Variants in SLC25A46 observed in about 807,000 individuals in gnomAD.
SLC25A46 encodes solute carrier family 25 member 46, also known as mitochondrial outer membrane protein SLC25A46.
SLC25A46 carries 39 observed loss-of-function variants against 44.6 expected under a neutral mutation model. The observed-to-expected ratio is 0.87, with a 90% confidence interval of 0.68 to 1.14. The LOEUF is 1.14. Among genes scored for constraint, SLC25A46 ranks in the 50% most tolerant of loss-of-function variants. The probability of loss-of-function intolerance (pLI) is 0.00; values close to 1 mark genes in which losing one functional copy is unlikely to be tolerated. For missense variants in SLC25A46, 547 were observed against 522.7 expected (o/e 1.05, Z -0.45); for synonymous variants, 202 against 185.8 (o/e 1.09, Z -0.71).
intron 5 of SLC25A46, chr5:110,753,594 C>T (rs751409458): frequency 1.6e-4 from 25 of 152,006 alleles, no homozygotes; most frequent in Non-Finnish European, 2.5e-4. Flanking sequence ...GGTTTAGTGA[C>T]TGAAGCTTTT....
rs1365116702 is a variant in SLC25A46 at position 110,764,768 on chromosome 5, A to G, written c.*2986A>G. The G allele has an allele frequency of 2.6e-5, 4 of 151,976 alleles. No individual in the cohort carries two copies. Among genetic ancestry groups the G allele is most frequent in the Non-Finnish European group, 5.9e-5 (4 of 67,926 alleles). 9.4% of individuals were successfully genotyped at this position (151,976 alleles called of 1,614,324 possible). On this transcript the variant is annotated 3_prime_UTR_variant, in exon 8 of 8. Transcript: ENST00000355943. ...TTGCAACAGAAAAGCATACTTTGTC[A>G]GCTTCTAATAAGATAGCCAGGTTTG...
rs956676307 is a variant in SLC25A46 at position 110,739,094 on chromosome 5, G to C, written c.-26G>C. On this transcript the variant is annotated 5_prime_UTR_variant, in exon 1 of 8. Transcript: ENST00000355943. Reference sequence around the variant, plus strand: ...CCCGGTGGTGGTGGGCTCCGGGCGGGCTCGCGTCATCCTGCCCCCGCTGCG... The same window carrying C: ...CCCGGTGGTGGTGGGCTCCGGGCGGCCTCGCGTCATCCTGCCCCCGCTGCG... The C allele has an allele frequency of 1.3e-6, 2 of 1,540,802 alleles. No individual in the cohort carries two copies. The highest frequency in any genetic ancestry group is 2.7e-5 in the African/African-American group (2 of 72,818).
At position 110,756,707 on chromosome 5, in the gene SLC25A46, CTT is replaced by C; in HGVS notation, c.627_628del (p.Tyr210ArgfsTer13). The C allele has an allele frequency of 6.4e-7, 1 of 1,573,442 alleles. No homozygotes were observed. The highest frequency in any genetic ancestry group is 8.6e-7 in the Non-Finnish European group (1 of 1,165,642). ...ATTTGTTTTAATTTCTATAGCCTAA[CTT>C]ACGTGGTGGCAATGCCTTTTTATTC... On this transcript the variant is annotated frameshift_variant, in exon 7 of 8. Coordinates refer to ENST00000355943, the MANE Select transcript of SLC25A46 (RefSeq NM_138773.4). LOFTEE classifies it high-confidence loss of function.
chr5:110,757,725 T>C (rs888753238), intron 7 of SLC25A46, among the ~76,000 whole-genome samples: 2 of 152,156 alleles, frequency 1.3e-5, no homozygotes, highest in African/African-American at 4.8e-5. Flanking sequence ...TGTATGGTGC[T>C]ATAGAATTTA....
intron 6 of SLC25A46, among the ~76,000 whole-genome samples, 196 bp downstream of exon 6, chr5:110,755,717 A>T (rs1200920149): frequency 1.3e-5 from 2 of 152,160 alleles, no homozygotes; most frequent in African/African-American, 4.8e-5. Flanking sequence ...CTTTAAAATA[A>T]ATTCCTAATT....
In SLC25A46 at chr5:110,739,163, G is replaced by A. The variant is rs372382932; in HGVS notation, c.44G>A (p.Arg15Gln). The A allele has an allele frequency of 4.0e-5, 62 of 1,550,010 alleles. No homozygotes were observed. Among genetic ancestry groups the A allele is most frequent in the Middle Eastern group, 1.8e-4 (1 of 5,662 alleles). ...GACGGATTTGATGGCTTGGGCTACC[G>A]GGGTGGTGCCCGGGACGAGCAGGGC... Reference protein sequence around the residue: ...RPDGFDGLGYRGGARDEQGFG... With the variant: ...RPDGFDGLGYQGGARDEQGFG... The change falls in exon 1 of 8, where the codon CGG becomes CAG. Residue 15 changes from arginine (R) to glutamine (Q), a missense_variant. Physicochemically the swap from Arg to Gln is conservative, Grantham distance 43. Transcript: ENST00000355943.
chr5:110,760,838 A>G (rs537936207), intron 7 of SLC25A46, among the ~76,000 whole-genome samples: 30 of 152,300 alleles, frequency 2.0e-4, no homozygotes, highest in South Asian at 1.0e-3. Flanking sequence ...TTACATAGCC[A>G]GTAAGTAATG....
At position 110,762,324 on chromosome 5, in the gene SLC25A46, G is replaced by T. The variant is rs1800275637; in HGVS notation, c.*542G>T. On this transcript the variant is annotated 3_prime_UTR_variant, in exon 8 of 8. Transcript: ENST00000355943. ...GAGTATAAATGTTTTAAATTGCATTGTCCCTATGTAACTATCTTAATGGCT... is the reference window on the plus strand; with the variant it reads ...GAGTATAAATGTTTTAAATTGCATTTTCCCTATGTAACTATCTTAATGGCT... 1 of 152,810 alleles carries T rather than the reference G, an allele frequency of 6.5e-6. No homozygotes were observed. The highest frequency in any genetic ancestry group is 2.1e-4 in the South Asian group (1 of 4,876). 9.5% of individuals were successfully genotyped at this position (152,810 alleles called of 1,614,324 possible). A position where few individuals can be genotyped will look rare whatever the true frequency, so the allele number is the denominator to read the frequency against.
chr5:110,738,984 T>G, upstream of SLC25A46: 1 of 1,457,822 alleles, frequency 6.9e-7, no homozygotes, highest in Non-Finnish European at 9.0e-7. Flanking sequence ...ACTTCCGGGT[T>G]TCCAACGTGA....
At chr5:110,750,482 C>A (rs888517773) in intron 5 of SLC25A46, among the ~76,000 whole-genome samples, 2 of 152,082 alleles carry the variant, frequency 1.3e-5, no homozygotes, top group African/African-American at 4.8e-5. Flanking sequence ...CCAGGACCCC[C>A]AGTGGATACC....
chr5:110,758,318 G>A lies in SLC25A46; in HGVS notation c.678+1559G>A, dbSNP rs1800164143. Among the ~76,000 whole-genome samples the A allele has an allele frequency of 2.6e-5, 4 of 151,982 alleles. No individual in the cohort carries two copies. In the South Asian group the frequency reaches 8.3e-4, roughly 31 times the overall value. On this transcript the variant is annotated intron_variant, in intron 7 of 7. Coordinates refer to ENST00000355943, the MANE Select transcript of SLC25A46 (RefSeq NM_138773.4). ...TAATCTCATGTGAGTTAAATCTTCA[G>A]ACTCAACTTTTAAAAACAATCTCAT... is the stretch of plus-strand genomic sequence containing the variant.
In SLC25A46 at chr5:110,762,008, A is replaced by T. The variant is rs1019518288; in HGVS notation, c.*226A>T. The T allele has an allele frequency of 8.9e-5, 39 of 436,162 alleles. No homozygotes were observed. The highest frequency in any genetic ancestry group is 1.3e-3 in the Middle Eastern group (2 of 1,576). The allele number at this position is 436,162 out of a possible 1,614,324, so 27.0% of individuals were successfully genotyped here. ...ACTCAATAAAAATAACACTTATTAA[A>T]TTCTAGTTAGTGTAGCACTCATGCT... On this transcript the variant is annotated 3_prime_UTR_variant, in exon 8 of 8. Coordinates refer to ENST00000355943, the MANE Select transcript of SLC25A46 (RefSeq NM_138773.4).
chr5:110,755,521 CGTAA>C lies in SLC25A46; in HGVS notation c.620+4_620+7del, dbSNP rs1580866253. The C allele has an allele frequency of 1.8e-5, 28 of 1,565,232 alleles. No homozygotes were observed. The highest frequency in any genetic ancestry group is 2.4e-5 in the Non-Finnish European group (28 of 1,155,118). On this transcript the variant is annotated splice_donor_variant and splice_donor_region_variant and intron_variant, in intron 6 of 7. Coordinates refer to ENST00000355943, the MANE Select transcript of SLC25A46 (RefSeq NM_138773.4). LOFTEE classifies it high-confidence loss of function. The stretch of plus-strand genomic sequence containing the variant: ...ATAGGAGAACACCTTCTACTGAAAT[CGTAA>C]GTATCAAAAAATGGCATTTTTATTG...
At chr5:110,743,899 C>G (rs1343592536) in intron 3 of SLC25A46, 112 bp downstream of exon 3, 1 of 804,188 alleles carries the variant, frequency 1.2e-6, no homozygotes, top group African/African-American at 1.8e-5. Context: ...GTGAAATGTT[C>G]CAAACTTTTT....
intron 5 of SLC25A46, chr5:110,754,609 A>C (rs466623): frequency 1 from 151,204 of 151,406 alleles, 75,501 homozygotes; most frequent in Middle Eastern, 1. Flanking sequence ...AGAATGCACA[A>C]AATCCTACAC....
At chr5:110,751,421 A>T (rs1799966602) in intron 5 of SLC25A46, among the ~76,000 whole-genome samples, 1 of 152,192 alleles carries the variant, frequency 6.6e-6, no homozygotes, top group Non-Finnish European at 1.5e-5. Flanking sequence ...AGTTTGTACA[A>T]AAATGCTGTT....
rs531554869 is a variant in SLC25A46, at chr5:110,762,908, CT to C, written c.*1128del. The C allele has an allele frequency of 8.0e-4, 121 of 151,808 alleles. No homozygotes were observed. Among genetic ancestry groups the C allele is most frequent in the African/African-American group, 2.8e-3 (117 of 41,486 alleles). The allele number at this position is 151,808 out of a possible 1,614,324, so 9.4% of individuals were successfully genotyped here. A position where few individuals can be genotyped will look rare whatever the true frequency, so the allele number is the denominator to read the frequency against. Reference sequence around the variant, plus strand: ...GTACGTGGAGGGAAAAGCAATTATTCTTATCACCTTTTATTTAAACTTCTTT... The same window carrying C: ...GTACGTGGAGGGAAAAGCAATTATTCTATCACCTTTTATTTAAACTTCTTT... On this transcript the variant is annotated 3_prime_UTR_variant, in exon 8 of 8. Coordinates refer to ENST00000355943, the MANE Select transcript of SLC25A46 (RefSeq NM_138773.4).
rs764151127 is a variant in SLC25A46, at chr5:110,760,904, G to A, written c.679-300G>A. Among the ~76,000 whole-genome samples the A allele has an allele frequency of 6.6e-5, 10 of 152,114 alleles. 1 individual carries two copies. The highest frequency in any genetic ancestry group is 2.0e-4 in the Admixed American group (3 of 15,252). On this transcript the variant is annotated intron_variant, in intron 7 of 7. Transcript: ENST00000355943. ...TAAGCACTATATTGTCTCCTTAAGC[G>A]TTACATAGTTATTGCCTTTCCATGT...
At chr5:110,746,947 G>A (rs769600173) in intron 4 of SLC25A46, among the ~76,000 whole-genome samples, 9 of 152,170 alleles carry the variant, frequency 5.9e-5, no homozygotes, top group Non-Finnish European at 1.3e-4. Context: ...AGAGAAGTAA[G>A]CAGGATCCAG....
Sources: gnomAD v4.1 joint callset for allele counts (sites outside exome capture counted in the v4.1 genomes callset) on GRCh38, gnomAD v4.1.1 for gene constraint, MANE v1.5 for transcripts, NCBI Gene and HGNC (gene_info 2026-07-23, HGNC 2026-07-21) for gene names.